SENP7: variants seen among roughly 807,000 people sequenced by gnomAD.
The protein encoded by SENP7 is SUMO specific peptidase 7.
A neutral mutation model predicts 141.2 loss-of-function variants in SENP7; 64 were observed. The ratio of observed to expected loss-of-function variants is 0.45; its 90% CI spans 0.37 to 0.56. The LOEUF (loss-of-function observed/expected upper bound fraction) is 0.56. SENP7 is among the 20% of genes least tolerant of loss of function. The probability of loss-of-function intolerance (pLI) is 0.00; values close to 1 mark genes in which losing one functional copy is unlikely to be tolerated. For missense variants in SENP7, 1,025 were observed against 1,212.2 expected (o/e 0.85, Z 2.29); for synonymous variants, 382 against 426.4 (o/e 0.90, Z 1.28).
chr3:101,443,232 T>C (rs1359420000), intron 4 of SENP7, among the ~76,000 whole-genome samples: 1 of 152,220 alleles, frequency 6.6e-6, no homozygotes, highest in Non-Finnish European at 1.5e-5. Flanking sequence ...CTTGTTTTTG[T>C]TAGGTTTGTC....
intron 4 of SENP7, among the ~76,000 whole-genome samples, chr3:101,431,508 C>CTTTTTT (rs56937965): frequency 5.8e-4 from 48 of 82,900 alleles, no homozygotes; most frequent in African/African-American, 9.4e-4. Flanking sequence ...GCAACCCCTG[C>CTTTTTT]TTTTTTTTTT....
intron 6 of SENP7, among the ~76,000 whole-genome samples, chr3:101,373,798 G>A (rs915576961): frequency 6.6e-5 from 10 of 152,098 alleles, no homozygotes; most frequent in Admixed American, 1.3e-4. Flanking sequence ...TGCAGAATAT[G>A]ACAATCTGGT....
intron 12 of SENP7, among the ~76,000 whole-genome samples, 175 bp downstream of exon 12, chr3:101,351,443 A>T (rs1419207816): frequency 6.6e-6 from 1 of 151,902 alleles, no homozygotes; most frequent in African/African-American, 2.4e-5. Flanking sequence ...TGTTTGATTT[A>T]TAGTCATTAA....
intron 6 of SENP7, among the ~76,000 whole-genome samples, chr3:101,382,669 A>T (rs192866882): frequency 6.6e-6 from 1 of 152,212 alleles, no homozygotes; most frequent in African/African-American, 2.4e-5. Flanking sequence ...GCAAAAAAAG[A>T]ATCAGAACTT....
intron 4 of SENP7, among the ~76,000 whole-genome samples, chr3:101,425,467 C>G (rs1175522344): frequency 1.3e-5 from 2 of 152,298 alleles, no homozygotes; most frequent in East Asian, 3.9e-4. Flanking sequence ...TTACCACAAT[C>G]AAACCCTCAA....
intron 4 of SENP7, chr3:101,458,708 AGTC>A (rs2063442131): frequency 3.9e-6 from 1 of 257,864 alleles, no homozygotes; most frequent in African/African-American, 2.2e-5. Flanking sequence ...CATCATTATC[AGTC>A]TATGTATAAC....
At chr3:101,463,400 T>TATATATATATATATATACAC (rs1553744823) in intron 3 of SENP7, among the ~76,000 whole-genome samples, 4,217 of 75,430 alleles carry the variant, frequency 0.056, 130 homozygotes, top group East Asian at 0.079. Flanking sequence ...TATATATACA[T>TATATATATATATATATACAC]ATATATATAT....
At chr3:101,473,610 G>A (rs1252549949) in intron 3 of SENP7, among the ~76,000 whole-genome samples, 1 of 152,108 alleles carries the variant, frequency 6.6e-6, no homozygotes, top group Non-Finnish European at 1.5e-5. Context: ...ATTTGTTTAA[G>A]TTAATTATAG....
chr3:101,343,817 G>T lies in SENP7; in HGVS notation c.1975C>A (p.Gln659Lys). ...LELSYPLSWV[Q>K]AFPLFQNLSS... ...AGGTTCTGAAACAAAGGAAATGCCT[G>T]AACCCAAGACAACGGGTAAGAAAGC... Residue 659 changes from glutamine (Q) to lysine (K), a missense_variant, in exon 14 of 24, where the codon CAG becomes AAG. By Grantham distance (53) the Gln-to-Lys change is moderately conservative. This residue lies in a region of SENP7 where 228 missense variants were observed against 228.5 expected (regional missense o/e 1.00). Transcript: ENST00000394095. 6.2e-7 allele frequency: 1 copy of T among 1,613,864 alleles called. No homozygotes were observed. The highest frequency in any genetic ancestry group is 1.1e-5 in the South Asian group (1 of 91,058).
In SENP7 at chr3:101,326,015, C is replaced by G; in HGVS notation, c.3081G>C (p.Lys1027Asn). Reference protein sequence around the residue: ...LEKWFPRHVIKTKREDIRELI... With the variant: ...LEKWFPRHVINTKREDIRELI... ...GCTCTCGAATATCTTCCCGTTTGGT[C>G]TTTATTACATGACGAGGAAACCACT... The change falls in exon 24 of 24, where the codon AAG becomes AAC. Residue 1027 changes from lysine to asparagine, a missense_variant. By Grantham distance (94) the Lys-to-Asn change is moderately conservative. This residue lies in a region of SENP7 where 295 missense variants were observed against 459.1 expected (regional missense o/e 0.64). Transcript: ENST00000394095. The G allele has an allele frequency of 6.2e-7, 1 of 1,610,576 alleles. No homozygotes were observed. The highest frequency in any genetic ancestry group is 8.5e-7 in the Non-Finnish European group (1 of 1,178,252).
intron 4 of SENP7, among the ~76,000 whole-genome samples, chr3:101,427,518 A>C (rs59359251): frequency 0.21 from 30,767 of 149,178 alleles, 3,388 homozygotes; most frequent in Non-Finnish European, 0.24. Flanking sequence ...AATTTGATTT[A>C]TCACATAAAC....
At chr3:101,490,603 G>A (rs891826142) in intron 3 of SENP7, among the ~76,000 whole-genome samples, 2 of 151,988 alleles carry the variant, frequency 1.3e-5, no homozygotes, top group Non-Finnish European at 2.9e-5. Context: ...ATGAAAACAA[G>A]GAAAATTTCT....
intron 4 of SENP7, among the ~76,000 whole-genome samples, chr3:101,431,797 C>A (rs2062187471): frequency 1.3e-5 from 2 of 152,048 alleles, no homozygotes; most frequent in African/African-American, 4.8e-5. Context: ...AAAAATCATC[C>A]ATCCCTGAGG....
At chr3:101,463,053 A>G (rs2063601899) in intron 3 of SENP7, among the ~76,000 whole-genome samples, 1 of 151,988 alleles carries the variant, frequency 6.6e-6, no homozygotes, top group South Asian at 2.1e-4. Context: ...ATTTCTACAC[A>G]TCAATAACAA....
intron 4 of SENP7, among the ~76,000 whole-genome samples, chr3:101,431,070 T>G (rs991821421): frequency 1.3e-5 from 2 of 152,218 alleles, no homozygotes; most frequent in Non-Finnish European, 2.9e-5. Flanking sequence ...TCTGTTCTTT[T>G]ACATTTGCTG....
At chr3:101,425,236 T>C (rs2061922626) in intron 4 of SENP7, among the ~76,000 whole-genome samples, 1 of 152,172 alleles carries the variant, frequency 6.6e-6, no homozygotes, top group Admixed American at 6.5e-5. Flanking sequence ...CACTATGAAA[T>C]GCTTTAGCTG....
intron 17 of SENP7, 27 bp downstream of exon 17, chr3:101,337,482 C>T: frequency 7.0e-6 from 10 of 1,438,574 alleles, no homozygotes; most frequent in Non-Finnish European, 9.5e-6. Context: ...TCTCTTAAAA[C>T]TTAAGTACAT....
chr3:101,346,755 G>A (rs2059464616), intron 13 of SENP7, among the ~76,000 whole-genome samples: 1 of 151,918 alleles, frequency 6.6e-6, no homozygotes, highest in African/African-American at 2.4e-5. Context: ...GGGGCTCAGG[G>A]GGAAAGGGTA....
chr3:101,371,403 G>GT (rs1159817646), intron 7 of SENP7, among the ~76,000 whole-genome samples: 1 of 152,314 alleles, frequency 6.6e-6, no homozygotes, highest in African/African-American at 2.4e-5. Context: ...CCCTAAAGGT[G>GT]TTAGTTTCAC....
Sources: allele counts gnomAD v4.1 joint callset (sites outside exome capture counted in the v4.1 genomes callset), GRCh38; gene constraint gnomAD v4.1.1; regional missense constraint gnomAD v4.1.1; transcripts MANE v1.5; gene names NCBI Gene and HGNC (gene_info 2026-07-23, HGNC 2026-07-21).